NUP133: variants seen among roughly 807,000 people sequenced by gnomAD.
NUP133 encodes the protein nuclear pore complex protein Nup133.
A neutral mutation model predicts 146.2 loss-of-function variants in NUP133; 66 were observed. That is an observed-to-expected ratio of 0.45 (90% CI 0.37 to 0.55). The LOEUF (loss-of-function observed/expected upper bound fraction) is 0.55, where lower values mean the gene tolerates loss of function less well. Among genes scored for constraint, NUP133 ranks in the 20% least tolerant of loss-of-function variants. The pLI is 0.00. For synonymous variants in NUP133, 521 were observed against 498.8 expected (o/e 1.04, Z -0.59); for missense variants, 1,277 against 1,374.8 (o/e 0.93, Z 1.12).
In NUP133 at chr1:229,488,821, C is replaced by T. The variant is rs80073580; in HGVS notation, c.1194+1134G>A. 9.5e-3 allele frequency among the ~76,000 whole-genome samples: 1,447 copies of T among 152,148 alleles called. 25 individuals carry two copies. The highest frequency in any genetic ancestry group is 0.032 in the African/African-American group (1,325 of 41,484). On this transcript the variant is annotated intron_variant, in intron 9 of 25. Transcript: ENST00000261396. ...CTGTGAATATCACTGCACTCCAGTC[C>T]AAGCAACACAGCAAGACTTTATCTC...
intron 25 of NUP133, among the ~76,000 whole-genome samples, chr1:229,443,671 C>A (rs369540813): frequency 1.3e-5 from 2 of 151,522 alleles, no homozygotes; most frequent in Non-Finnish European, 2.9e-5. Context: ...TATTAAAAAA[C>A]CGCACGCCTT....
intron 13 of NUP133, 86 bp downstream of exon 13, chr1:229,477,511 C>A: frequency 8.0e-6 from 8 of 1,003,202 alleles, no homozygotes; most frequent in Admixed American, 3.1e-5. Context: ...GTTTGAGAAG[C>A]TAAAAAATAT....
intron 12 of NUP133, among the ~76,000 whole-genome samples, chr1:229,478,738 A>G (rs190191770): frequency 9.7e-4 from 147 of 152,308 alleles, no homozygotes; most frequent in African/African-American, 3.4e-3. Context: ...GAAGGGATGA[A>G]TCACAAAATT....
chr1:229,462,154 G>A (rs1430585834), intron 19 of NUP133, among the ~76,000 whole-genome samples: 2 of 152,234 alleles, frequency 1.3e-5, no homozygotes, highest in Non-Finnish European at 2.9e-5. Context: ...AAAGTGCTGG[G>A]ATTACAGGCG....
Position 229,486,837 on chromosome 1 carries a change from C to T in NUP133, c.1343-309G>A, listed in dbSNP as rs569074665. 1.1e-4 allele frequency among the ~76,000 whole-genome samples: 17 copies of T among 149,628 alleles called. No homozygotes were observed. In the East Asian group the frequency reaches 1.2e-3, roughly 10 times the overall value. On this transcript the variant is annotated intron_variant, in intron 10 of 25. Transcript: ENST00000261396. ...CCTTCTGCAAAACTCAGAAGAAGAG[C>T]TTTTTCAATCCTGTGGAGTTCTCTT...
chr1:229,446,932 C>T (rs1011636430), intron 24 of NUP133, among the ~76,000 whole-genome samples: 2 of 151,976 alleles, frequency 1.3e-5, no homozygotes, highest in African/African-American at 4.8e-5. Flanking sequence ...CGAGACCAGC[C>T]TGACCAACAT....
chr1:229,503,841 TA>T (rs1217564563), intron 2 of NUP133, among the ~76,000 whole-genome samples: 1 of 152,216 alleles, frequency 6.6e-6, no homozygotes, highest in Non-Finnish European at 1.5e-5. Context: ...TTATATATCC[TA>T]ATTTCTAAGG....
intron 22 of NUP133, among the ~76,000 whole-genome samples, chr1:229,451,631 A>C (rs1300915903): frequency 6.6e-6 from 1 of 152,074 alleles, no homozygotes; most frequent in Non-Finnish European, 1.5e-5. Flanking sequence ...AAAAACTATA[A>C]TTTCATTTTT....
chr1:229,498,047 T>C (rs1265931584), intron 6 of NUP133, 89 bp downstream of exon 6: 3 of 894,672 alleles, frequency 3.4e-6, no homozygotes, highest in East Asian at 5.7e-5. Context: ...CTACTGTCCA[T>C]ATGGAGGAAT....
chr1:229,489,018 C>T (rs1230989721), intron 9 of NUP133, among the ~76,000 whole-genome samples: 1 of 152,174 alleles, frequency 6.6e-6, no homozygotes. Flanking sequence ...TTTACAAGAA[C>T]TTTGATGACT....
intron 24 of NUP133, chr1:229,448,897 G>T: frequency 1.9e-6 from 1 of 523,390 alleles, no homozygotes; most frequent in Non-Finnish European, 3.4e-6. Context: ...TCAAAGTCAG[G>T]GGCAGTCTGA....
At chr1:229,495,600 G>C in intron 7 of NUP133, 35 bp from the exon 8 acceptor site, 1 of 1,444,918 alleles carries the variant, frequency 6.9e-7, no homozygotes, top group Non-Finnish European at 9.7e-7. Context: ...AGCTTCTCAA[G>C]TGCAGGAATG....
At chr1:229,475,581 C>T in intron 14 of NUP133, 57 bp downstream of exon 14, 1 of 1,253,760 alleles carries the variant, frequency 8.0e-7, no homozygotes, top group South Asian at 1.2e-5. Context: ...AGACTTCCCA[C>T]TGTGTTGGAG....
chr1:229,487,666 GTATGATT>G, intron 9 of NUP133, 53 bp from the exon 10 acceptor site: 1 of 1,358,076 alleles, frequency 7.4e-7, no homozygotes, highest in Non-Finnish European at 1.0e-6. Flanking sequence ...AAAAATATTT[GTATGATT>G]TTTTAAATTC....
At chr1:229,453,119 G>A (rs992652811) in intron 21 of NUP133, among the ~76,000 whole-genome samples, 1 of 152,020 alleles carries the variant, frequency 6.6e-6, no homozygotes, top group African/African-American at 2.4e-5. Context: ...TAAAGAGATG[G>A]GGTCTTGCTA....
chr1:229,488,255 G>A (rs1057156700), intron 9 of NUP133, among the ~76,000 whole-genome samples: 5 of 152,056 alleles, frequency 3.3e-5, no homozygotes, highest in Admixed American at 1.3e-4. Flanking sequence ...ACTAAAATTC[G>A]TTATATTAAG....
chr1:229,462,661 G>A (rs1470194134), intron 19 of NUP133, among the ~76,000 whole-genome samples: 4 of 151,906 alleles, frequency 2.6e-5, no homozygotes, highest in Non-Finnish European at 5.9e-5. Context: ...GGGCTCAAAC[G>A]ATCCTGCCAC....
intron 16 of NUP133, among the ~76,000 whole-genome samples, chr1:229,466,253 G>A (rs77676297): frequency 0.018 from 2,716 of 152,182 alleles, 90 homozygotes; most frequent in African/African-American, 0.061. Context: ...GGAGGAAGTC[G>A]TGAGCCCAGA....
At chr1:229,442,097 TTC>T (rs1349699598) in intron 25 of NUP133, 57 bp from the exon 26 acceptor site, 44 of 1,495,078 alleles carry the variant, frequency 2.9e-5, no homozygotes, top group East Asian at 2.5e-4. Flanking sequence ...CTCAAATGAA[TTC>T]TGATGATTGA....
Sources: gnomAD v4.1 joint callset for allele counts (sites outside exome capture counted in the v4.1 genomes callset) on GRCh38, gnomAD v4.1.1 for gene constraint, MANE v1.5 for transcripts, NCBI Gene and HGNC (gene_info 2026-07-23, HGNC 2026-07-21) for gene names.